Variants in PLEKHM2 observed in about 807,000 individuals in gnomAD.
PLEKHM2 encodes pleckstrin homology domain-containing family M member 2.
PLEKHM2 carries 77 observed loss-of-function variants against 116.3 expected under a neutral mutation model. That is an observed-to-expected ratio of 0.66 (90% CI 0.55 to 0.80). The LOEUF (loss-of-function observed/expected upper bound fraction) is 0.80, where lower values mean the gene tolerates loss of function less well. Ranked by LOEUF, PLEKHM2 falls within the 30% of genes least tolerant of loss-of-function variation. The probability of loss-of-function intolerance (pLI) is 0.00; values close to 1 mark genes in which losing one functional copy is unlikely to be tolerated. For missense variants in PLEKHM2, 1,183 were observed against 1,354.9 expected (o/e 0.87, Z 1.99); for synonymous variants, 562 against 571.0 (o/e 0.98, Z 0.22).
At chr1:15,715,780 A>G (rs976513705) in intron 1 of PLEKHM2, among the ~76,000 whole-genome samples, 1 of 152,278 alleles carries the variant, frequency 6.6e-6, no homozygotes, top group Non-Finnish European at 1.5e-5. Flanking sequence ...CAAAACAATA[A>G]CATAAGCAAA....
chr1:15,703,904 C>T (rs1180717621), intron 1 of PLEKHM2, among the ~76,000 whole-genome samples: 1 of 152,168 alleles, frequency 6.6e-6, no homozygotes, highest in East Asian at 1.9e-4. Context: ...TGCCTGAGCA[C>T]AACCGAAAAA....
intron 19 of PLEKHM2, 23 bp from the exon 20 acceptor site, chr1:15,733,773 TG>T: frequency 1.9e-6 from 3 of 1,610,260 alleles, no homozygotes; most frequent in Non-Finnish European, 2.5e-6. Context: ...GGCCCTCATC[TG>T]TTCTCTGCAC....
At chr1:15,724,586 C>G (rs1015755358) in intron 7 of PLEKHM2, among the ~76,000 whole-genome samples, 1 of 152,112 alleles carries the variant, frequency 6.6e-6, no homozygotes, top group Non-Finnish European at 1.5e-5. Context: ...TGGGGAGAAG[C>G]AGCCTGGGGG....
intron 17 of PLEKHM2, 104 bp from the exon 18 acceptor site, chr1:15,732,246 C>T: frequency 5.6e-6 from 6 of 1,075,946 alleles, no homozygotes; most frequent in Non-Finnish European, 8.0e-6. Flanking sequence ...GAGGGAGATC[C>T]CTGGAGGGAG....
chr1:15,695,504 G>A (rs1640976268), intron 1 of PLEKHM2, among the ~76,000 whole-genome samples: 1 of 152,036 alleles, frequency 6.6e-6, no homozygotes, highest in Non-Finnish European at 1.5e-5. Context: ...ATGATGTCGG[G>A]GCACTTTGGG....
chr1:15,688,846 T>C (rs1640829702), intron 1 of PLEKHM2, among the ~76,000 whole-genome samples: 1 of 152,098 alleles, frequency 6.6e-6, no homozygotes, highest in African/African-American at 2.4e-5. Flanking sequence ...AAATAACATC[T>C]TCTCCAGGGG....
At chr1:15,694,980 A>G (rs1640964906) in intron 1 of PLEKHM2, among the ~76,000 whole-genome samples, 1 of 151,890 alleles carries the variant, frequency 6.6e-6, no homozygotes, top group South Asian at 2.1e-4. Flanking sequence ...CTGGTCTTGA[A>G]CTTCTGACAT....
chr1:15,722,354 G>T (rs1367951970), intron 7 of PLEKHM2, among the ~76,000 whole-genome samples: 1 of 152,178 alleles, frequency 6.6e-6, no homozygotes, highest in Non-Finnish European at 1.5e-5. Context: ...ATGTTGGCCA[G>T]GCTGGTCTCA....
At chr1:15,724,105 C>T (rs568281653) in intron 7 of PLEKHM2, among the ~76,000 whole-genome samples, 80 of 152,130 alleles carry the variant, frequency 5.3e-4, no homozygotes, top group Middle Eastern at 3.4e-3. Flanking sequence ...CTGGGTGGGG[C>T]GGGATGTCCA....
In PLEKHM2 at chr1:15,704,252, G is replaced by A. The variant is rs189947758; in HGVS notation, c.61-11985G>A. Among the ~76,000 whole-genome samples the A allele has an allele frequency of 7.2e-5, 11 of 151,926 alleles. No homozygotes were observed. The East Asian group carries it at 2.1e-3, about 29-fold the overall frequency. On this transcript the variant is annotated intron_variant, in intron 1 of 19. Coordinates refer to ENST00000375799, the MANE Select transcript of PLEKHM2 (RefSeq NM_015164.4). ...TCCTGCCACTCTTTTGGCAAAACCG[G>A]TCAAAGGGATTTTCTGTATTTACTG...
intron 7 of PLEKHM2, chr1:15,723,106 A>C (rs1366666120): frequency 6.6e-6 from 1 of 152,056 alleles, no homozygotes; most frequent in Non-Finnish European, 1.5e-5. Context: ...CCAAACTCTG[A>C]GCCTGGGGTG....
At chr1:15,687,684 AC>A (rs1379788551) in intron 1 of PLEKHM2, among the ~76,000 whole-genome samples, 1 of 152,190 alleles carries the variant, frequency 6.6e-6, no homozygotes, top group Non-Finnish European at 1.5e-5. Flanking sequence ...ATCATAAATT[AC>A]ATTTGGTTTT....
chr1:15,703,363 C>T (rs1409881031), intron 1 of PLEKHM2, among the ~76,000 whole-genome samples: 1 of 152,060 alleles, frequency 6.6e-6, no homozygotes. Context: ...TTGGAGCAGG[C>T]GTTTTTATCC....
chr1:15,721,293 G>A lies in PLEKHM2; in HGVS notation c.653-36G>A, dbSNP rs1023073561. 1 of 1,404,400 alleles carries A rather than the reference G, an allele frequency of 7.1e-7. No homozygotes were observed. Among genetic ancestry groups the A allele is most frequent in the Non-Finnish European group, 9.9e-7 (1 of 1,014,132 alleles). 87.0% of individuals were successfully genotyped at this position (1,404,400 alleles called of 1,614,324 possible). A position where few individuals can be genotyped will look rare whatever the true frequency, so the allele number is the denominator to read the frequency against. Reference sequence around the variant, plus strand: ...CTCCAGTCATCCTTCCACTGCCTGTGTTTCTAATCTTCAGTTTTGTCCCTC... The same window carrying A: ...CTCCAGTCATCCTTCCACTGCCTGTATTTCTAATCTTCAGTTTTGTCCCTC... On this transcript the variant is annotated intron_variant, in intron 6 of 19. Coordinates refer to ENST00000375799, the MANE Select transcript of PLEKHM2 (RefSeq NM_015164.4). This position sits in a 1 kb window ranked among gnomAD's most constrained non-coding sequence, Gnocchi z 5.1.
At chr1:15,692,602 C>G (rs1040036950) in intron 1 of PLEKHM2, among the ~76,000 whole-genome samples, 1 of 152,072 alleles carries the variant, frequency 6.6e-6, no homozygotes, top group Non-Finnish European at 1.5e-5. Flanking sequence ...TCACTTTTTT[C>G]GTTTTTTGGT....
chr1:15,722,698 A>C (rs980564883), intron 7 of PLEKHM2: 2 of 152,250 alleles, frequency 1.3e-5, no homozygotes, highest in Admixed American at 6.5e-5. Flanking sequence ...GGAAAAATAA[A>C]CTATGACACT....
intron 2 of PLEKHM2, 68 bp downstream of exon 2, chr1:15,716,411 A>G: frequency 1.1e-6 from 1 of 950,942 alleles, no homozygotes; most frequent in Non-Finnish European, 1.6e-6. Context: ...CCACAGAGAA[A>G]CCCTTAGCCT....
At position 15,684,533 on chromosome 1, in the gene PLEKHM2, G is replaced by GCGGTGGCGGCGA. The variant is rs1553156954; in HGVS notation, c.-18_-7dup. Reference sequence around the variant, plus strand: ...CGGGGCGGCGGCGGCGGTGGCGGTGGCGGTGGCGGCGACGGTGGCAGCGCC... The same window carrying GCGGTGGCGGCGA: ...CGGGGCGGCGGCGGCGGTGGCGGTGGCGGTGGCGGCGACGGTGGCGGCGACGGTGGCAGCGCC... On this transcript the variant is annotated 5_prime_UTR_variant, in exon 1 of 20. Coordinates refer to ENST00000375799, the MANE Select transcript of PLEKHM2 (RefSeq NM_015164.4). 93 of 1,167,106 alleles carry GCGGTGGCGGCGA rather than the reference G, an allele frequency of 8.0e-5. No individual in the cohort carries two copies. Among genetic ancestry groups the GCGGTGGCGGCGA allele is most frequent in the Non-Finnish European group, 9.7e-5 (91 of 933,758 alleles). 72.3% of individuals were successfully genotyped at this position (1,167,106 alleles called of 1,614,324 possible).
chr1:15,731,469 A>G (rs544470115), intron 16 of PLEKHM2, among the ~76,000 whole-genome samples: 39 of 152,106 alleles, frequency 2.6e-4, no homozygotes, highest in Non-Finnish European at 4.0e-4. Context: ...CTGGCTTAGA[A>G]CAGGTCCAGT....
Sources: allele counts gnomAD v4.1 joint callset (sites outside exome capture counted in the v4.1 genomes callset), GRCh38; gene constraint gnomAD v4.1.1; non-coding constraint Gnocchi (gnomAD v3.1); transcripts MANE v1.5; gene names NCBI Gene and HGNC (gene_info 2026-07-23, HGNC 2026-07-21).